The following ZDHHC14 variants were observed in gnomAD, a reference collection of about 807,000 sequenced individuals.
The protein encoded by ZDHHC14 is zDHHC palmitoyltransferase 14.
Under a neutral mutation model 47.7 loss-of-function variants are expected in ZDHHC14, and 16 were observed. That is an observed-to-expected ratio of 0.34 (90% confidence interval 0.23 to 0.51). ZDHHC14 has a LOEUF of 0.51. ZDHHC14 is among the 20% of genes least tolerant of loss of function. The probability of loss-of-function intolerance (pLI) is 0.97; values close to 1 mark genes in which losing one functional copy is unlikely to be tolerated. For missense variants in ZDHHC14, 515 were observed against 662.5 expected (o/e 0.78, Z 2.44); for synonymous variants, 293 against 278.9 (o/e 1.05, Z -0.50).
At chr6:157,599,675 A>G (rs541444874) in intron 3 of ZDHHC14, among the ~76,000 whole-genome samples, 1 of 152,354 alleles carries the variant, frequency 6.6e-6, no homozygotes, top group Non-Finnish European at 1.5e-5. Flanking sequence ...TGAACAAAGC[A>G]TCCATCTCCA....
At chr6:157,623,680 G>A (rs1785285601) in intron 3 of ZDHHC14, among the ~76,000 whole-genome samples, 1 of 151,728 alleles carries the variant, frequency 6.6e-6, no homozygotes, top group South Asian at 2.1e-4. Flanking sequence ...CTCCTGAGTA[G>A]CTGGGACTAT....
chr6:157,628,261 T>C (rs889160514), intron 3 of ZDHHC14, 88 bp from the exon 4 acceptor site: 4 of 1,324,230 alleles, frequency 3.0e-6, no homozygotes, highest in Non-Finnish European at 4.1e-6. Flanking sequence ...TATCAGAGTA[T>C]TGGGTGGGAG....
chr6:157,622,633 A>T lies in ZDHHC14; in HGVS notation c.566-5716A>T, dbSNP rs551854969. On this transcript the variant is annotated intron_variant, in intron 3 of 8. Transcript: ENST00000359775. ...TGCCTCCCACTATCTCTCTCCTCCCACTCTTTCTGCATGAGCTGATCCATG... is the reference window on the plus strand; with the variant it reads ...TGCCTCCCACTATCTCTCTCCTCCCTCTCTTTCTGCATGAGCTGATCCATG... Among the ~76,000 whole-genome samples, 17 of 151,096 alleles carry T rather than the reference A, an allele frequency of 1.1e-4. 1 individual carries two copies. In the South Asian group the frequency reaches 3.4e-3, roughly 30 times the overall value.
chr6:157,451,402 A>C (rs1778799856), intron 1 of ZDHHC14, among the ~76,000 whole-genome samples: 2 of 152,234 alleles, frequency 1.3e-5, no homozygotes. Context: ...TATGCATTCC[A>C]AAAGGGCAGT....
chr6:157,513,779 A>G (rs553394155), intron 1 of ZDHHC14, among the ~76,000 whole-genome samples: 28 of 152,322 alleles, frequency 1.8e-4, no homozygotes, highest in African/African-American at 6.5e-4. Flanking sequence ...TGAGTCACAC[A>G]GCTAGTGATG....
At chr6:157,394,349 G>A (rs1457883104) in intron 1 of ZDHHC14, among the ~76,000 whole-genome samples, 1 of 152,208 alleles carries the variant, frequency 6.6e-6, no homozygotes, top group Non-Finnish European at 1.5e-5. Flanking sequence ...ACATATGAAG[G>A]ACAGAATGTG....
intron 1 of ZDHHC14, among the ~76,000 whole-genome samples, chr6:157,508,974 C>T (rs527241818): frequency 6.6e-6 from 1 of 152,318 alleles, no homozygotes; most frequent in South Asian, 2.1e-4. Context: ...TTCAGTTCCA[C>T]GTGGTTGGAG....
At chr6:157,585,175 C>G (rs1038932703) in intron 2 of ZDHHC14, among the ~76,000 whole-genome samples, 1 of 151,920 alleles carries the variant, frequency 6.6e-6, no homozygotes, top group Non-Finnish European at 1.5e-5. Context: ...CCATTGCACT[C>G]CAGCCTAGGT....
intron 8 of ZDHHC14, among the ~76,000 whole-genome samples, chr6:157,668,749 C>T (rs1375909455): frequency 2.0e-5 from 3 of 152,156 alleles, no homozygotes; most frequent in African/African-American, 7.2e-5. Flanking sequence ...TAAACTTCTT[C>T]TTTCACAAAT....
At chr6:157,409,421 A>G (rs1322012071) in intron 1 of ZDHHC14, among the ~76,000 whole-genome samples, 2 of 152,120 alleles carry the variant, frequency 1.3e-5, no homozygotes, top group African/African-American at 4.8e-5. Context: ...TGCAGTTAGC[A>G]TGCCTTCCCT....
intron 7 of ZDHHC14, among the ~76,000 whole-genome samples, chr6:157,650,303 C>T (rs954477008): frequency 3.3e-5 from 5 of 151,938 alleles, no homozygotes; most frequent in African/African-American, 1.2e-4. Flanking sequence ...TGCAGGGACC[C>T]GAGGGTGAGG....
chr6:157,395,415 T>C (rs62422828), intron 1 of ZDHHC14, among the ~76,000 whole-genome samples: 129,732 of 150,704 alleles, frequency 0.86, 55,967 homozygotes, highest in Middle Eastern at 0.94. Context: ...ATCCTTCCAC[T>C]TCGGCCTCCC....
intron 2 of ZDHHC14, among the ~76,000 whole-genome samples, chr6:157,560,913 G>A (rs1320339639): frequency 5.9e-5 from 9 of 152,202 alleles, no homozygotes; most frequent in Admixed American, 5.2e-4. Flanking sequence ...ACAACATTAT[G>A]AGGCGTGGCG....
chr6:157,662,905 C>G (rs1343476047), intron 8 of ZDHHC14, among the ~76,000 whole-genome samples: 2 of 152,202 alleles, frequency 1.3e-5, no homozygotes, highest in African/African-American at 2.4e-5. Flanking sequence ...TGTGTAATGT[C>G]TATGAGACAC....
intron 8 of ZDHHC14, among the ~76,000 whole-genome samples, chr6:157,658,956 G>T (rs974000407): frequency 6.6e-6 from 1 of 152,062 alleles, no homozygotes; most frequent in African/African-American, 2.4e-5. Context: ...TTCTCCATGG[G>T]TATTGTTTTG....
chr6:157,402,823 T>G (rs903454838), intron 1 of ZDHHC14, among the ~76,000 whole-genome samples: 4 of 152,042 alleles, frequency 2.6e-5, no homozygotes, highest in African/African-American at 9.7e-5. Flanking sequence ...GCCTCCTGGG[T>G]TCAAGCAATT....
chr6:157,517,994 C>T (rs1461732019), intron 1 of ZDHHC14, among the ~76,000 whole-genome samples: 1 of 152,148 alleles, frequency 6.6e-6, no homozygotes, highest in Non-Finnish European at 1.5e-5. Flanking sequence ...GATGCACGTC[C>T]CCAGCCCCCG....
At chr6:157,496,876 G>A (rs1780078590) in intron 1 of ZDHHC14, among the ~76,000 whole-genome samples, 1 of 152,198 alleles carries the variant, frequency 6.6e-6, no homozygotes, top group African/African-American at 2.4e-5. Context: ...TTTGACACAG[G>A]TCTTGGCAGT....
intron 3 of ZDHHC14, among the ~76,000 whole-genome samples, chr6:157,620,116 A>G (rs959413434): frequency 3.3e-5 from 5 of 152,202 alleles, no homozygotes; most frequent in African/African-American, 9.7e-5. Flanking sequence ...ACAATACCTG[A>G]GACTATGTAA....
Sources: allele counts gnomAD v4.1 joint callset (sites outside exome capture counted in the v4.1 genomes callset), GRCh38; gene constraint gnomAD v4.1.1; transcripts MANE v1.5; gene names NCBI Gene and HGNC (gene_info 2026-07-23, HGNC 2026-07-21).